SCN1A: variants seen among roughly 807,000 people sequenced by gnomAD.
SCN1A encodes the protein sodium voltage-gated channel alpha subunit 1.
A neutral mutation model predicts 193.7 loss-of-function variants in SCN1A; 13 were observed. The observed-to-expected ratio is 0.07, with a 90% CI of 0.04 to 0.11. The LOEUF is 0.11. Ranked by LOEUF, SCN1A falls within the 10% of genes least tolerant of loss-of-function variation. The probability of loss-of-function intolerance (pLI) is 1.00; values close to 1 mark genes in which losing one functional copy is unlikely to be tolerated. For missense variants in SCN1A, 1,432 were observed against 2,451.1 expected, an observed-to-expected ratio of 0.58 and a Z score of 8.78; for synonymous variants, 781 against 843.6, an observed-to-expected ratio of 0.93 and a Z score of 1.29.
At chr2:166,004,927 T>C (rs544088712) in intron 23 of SCN1A, among the ~76,000 whole-genome samples, 1 of 151,578 alleles carries the variant, frequency 6.6e-6, no homozygotes, top group South Asian at 2.1e-4. Flanking sequence ...AGAATCAGAA[T>C]TCTAGTACTG....
Position 165,991,726 on chromosome 2 carries a change from A to C in SCN1A, c.5549T>G (p.Ile1850Ser), listed in dbSNP as rs750911709. Residue 1850 changes from isoleucine to serine, a missense_variant, in exon 29 of 29, where the codon ATT (isoleucine) becomes AGT (serine). Ile to Ser is a moderately radical substitution (Grantham distance 142). Transcript: ENST00000674923. ...NLPQPNKLQL[I>S]AMDLPMVSGD... ...ACTCACCATGGGCAAATCCATGGCA[A>C]TGAGCTGGAGTTTGTTTGGTTGTGG... 6.2e-7 allele frequency: 1 copy of C among 1,613,902 alleles called. No individual in the cohort carries two copies. The highest frequency in any genetic ancestry group is 2.2e-5 in the East Asian group (1 of 44,838).
chr2:166,137,907 G>A (rs979597179), intron 1 of SCN1A, among the ~76,000 whole-genome samples: 2 of 152,190 alleles, frequency 1.3e-5, no homozygotes, highest in African/African-American at 4.8e-5. Context: ...ATAATGATAT[G>A]AACAACGAAA....
chr2:165,994,029 G>C (rs1463978493), intron 28 of SCN1A, 117 bp downstream of exon 28: 21 of 845,020 alleles, frequency 2.5e-5, no homozygotes, highest in Non-Finnish European at 3.9e-5. Flanking sequence ...TGGATAAAAT[G>C]TATCAAAATA....
intron 1 of SCN1A, among the ~76,000 whole-genome samples, chr2:166,136,006 C>A (rs1489654987): frequency 6.6e-6 from 1 of 152,234 alleles, no homozygotes; most frequent in Non-Finnish European, 1.5e-5. Context: ...CAAACAGATT[C>A]TTCTGCTCAT....
intron 2 of SCN1A, among the ~76,000 whole-genome samples, chr2:166,095,278 T>C (rs1339650051): frequency 6.6e-6 from 1 of 152,208 alleles, no homozygotes; most frequent in East Asian, 1.9e-4. Flanking sequence ...ATTCCTCTTT[T>C]GCTCCCTTCT....
intron 2 of SCN1A, among the ~76,000 whole-genome samples, chr2:166,081,220 A>C (rs1685487911): frequency 1.3e-5 from 2 of 151,968 alleles, no homozygotes; most frequent in Non-Finnish European, 2.9e-5. Context: ...GAAGCCTTAC[A>C]GTTAAACTCC....
chr2:166,008,957 C>CTGT (rs1441317984), intron 23 of SCN1A, among the ~76,000 whole-genome samples: 1 of 150,784 alleles, frequency 6.6e-6, no homozygotes, highest in African/African-American at 2.4e-5. Flanking sequence ...AATTTCTAAT[C>CTGT]TGTTATGCAT....
At chr2:166,070,307 A>G (rs966702072) in intron 4 of SCN1A, among the ~76,000 whole-genome samples, 7 of 152,216 alleles carry the variant, frequency 4.6e-5, no homozygotes, top group Admixed American at 1.3e-4. Context: ...AATGACTTAC[A>G]TTTGAAGATT....
intron 19 of SCN1A, among the ~76,000 whole-genome samples, chr2:166,026,697 T>C (rs1339447375): frequency 2.7e-4 from 38 of 140,870 alleles, no homozygotes; most frequent in Non-Finnish European, 4.8e-4. Context: ...TTTTTTTTTT[T>C]TTTTGAGACT....
intron 19 of SCN1A, among the ~76,000 whole-genome samples, chr2:166,028,661 A>G (rs976315321): frequency 6.6e-6 from 1 of 152,196 alleles, no homozygotes; most frequent in Admixed American, 6.5e-5. Context: ...CGTTTGGCGT[A>G]TGCTTATTTG....
intron 2 of SCN1A, among the ~76,000 whole-genome samples, chr2:166,094,080 C>T (rs1304726011): frequency 2.6e-5 from 4 of 152,002 alleles, no homozygotes; most frequent in Non-Finnish European, 4.4e-5. Context: ...TGATCTTTAA[C>T]ATTATTTCAA....
intron 1 of SCN1A, among the ~76,000 whole-genome samples, chr2:166,146,790 C>T (rs947513295): frequency 3.9e-5 from 6 of 152,080 alleles, no homozygotes; most frequent in African/African-American, 1.4e-4. Flanking sequence ...CTTCTAAGAG[C>T]TAAAGTTCTA....
At chr2:166,007,959 G>A (rs1160583117) in intron 23 of SCN1A, among the ~76,000 whole-genome samples, 4 of 151,002 alleles carry the variant, frequency 2.6e-5, no homozygotes, top group African/African-American at 4.8e-5. Context: ...CAATTATAAC[G>A]TTATTTTGAC....
rs1688940094 is a variant in SCN1A, at chr2:165,990,130, G to C, written c.*1115C>G. On this transcript the variant is annotated 3_prime_UTR_variant, in exon 29 of 29. Coordinates refer to ENST00000674923, the MANE Select transcript of SCN1A (RefSeq NM_001165963.4). Reference sequence around the variant, plus strand: ...GATAGCATCCAAACTATCTATAAATGGTACAGAATACATTTTATTACCTGT... The same window carrying C: ...GATAGCATCCAAACTATCTATAAATCGTACAGAATACATTTTATTACCTGT... 6.6e-6 allele frequency: 1 copy of C among 152,394 alleles called. No homozygotes were observed. Among genetic ancestry groups the C allele is most frequent in the African/African-American group, 2.4e-5 (1 of 41,386 alleles). 9.4% of individuals were successfully genotyped at this position (152,394 alleles called of 1,614,324 possible).
At chr2:166,012,810 C>T (rs1574056266) in intron 21 of SCN1A, among the ~76,000 whole-genome samples, 1 of 150,806 alleles carries the variant, frequency 6.6e-6, no homozygotes, top group African/African-American at 2.4e-5. Context: ...TACAGTGTGA[C>T]AATGATTAAA....
In SCN1A at chr2:166,039,388, T is replaced by C. The variant is rs1696850997; in HGVS notation, c.2589+35A>G. The stretch of plus-strand genomic sequence containing the variant: ...GCAAGAACCCTGATTGTTAGAAAGG[T>C]TTTTGAATTTGGTGCTTTTTTTTTT... On this transcript the variant is annotated intron_variant, in intron 17 of 28. Transcript: ENST00000674923. The C allele has an allele frequency of 1.9e-6, 3 of 1,587,414 alleles. No individual in the cohort carries two copies. The East Asian group carries it at 6.8e-5, about 36-fold the overall frequency.
chr2:166,076,209 G>A (rs931347240), intron 3 of SCN1A, among the ~76,000 whole-genome samples: 2 of 151,848 alleles, frequency 1.3e-5, no homozygotes, highest in African/African-American at 4.8e-5. Flanking sequence ...GCTTAGAAAG[G>A]CATCCAGAGA....
At chr2:166,120,190 CT>C (rs1443957051) in intron 2 of SCN1A, among the ~76,000 whole-genome samples, 7 of 148,886 alleles carry the variant, frequency 4.7e-5, no homozygotes, top group Admixed American at 2.0e-4. Context: ...CTTTATGTTC[CT>C]TTTTTATGTA....
intron 2 of SCN1A, among the ~76,000 whole-genome samples, chr2:166,125,851 G>A (rs964410579): frequency 6.6e-6 from 1 of 152,006 alleles, no homozygotes; most frequent in Non-Finnish European, 1.5e-5. Context: ...CATAATAAAT[G>A]ACTCTCCAGA....
Sources: allele counts gnomAD v4.1 joint callset (sites outside exome capture counted in the v4.1 genomes callset), GRCh38; gene constraint gnomAD v4.1.1; transcripts MANE v1.5; gene names NCBI Gene and HGNC (gene_info 2026-07-23, HGNC 2026-07-21).